Variants in LGI2 observed in about 807,000 individuals in gnomAD.
LGI2 encodes the protein leucine-rich repeat LGI family member 2.
In LGI2, 30 loss-of-function variants were observed where a neutral mutation model predicts 52.0. The ratio of observed to expected loss-of-function variants is 0.58; its 90% confidence interval spans 0.43 to 0.78. LGI2 has a LOEUF of 0.78. Ranked by LOEUF, LGI2 falls within the 30% of genes least tolerant of loss-of-function variation. The pLI, the probability that LGI2 is intolerant of heterozygous loss-of-function variation, is 0.00. For synonymous variants in LGI2, 270 were observed against 271.8 expected (o/e 0.99, Z 0.06); for missense variants, 573 against 692.5 (o/e 0.83, Z 1.94).
intron 7 of LGI2, among the ~76,000 whole-genome samples, chr4:25,009,570 G>T (rs773929694): frequency 6.6e-6 from 1 of 151,952 alleles, no homozygotes. Context: ...ATTACAATAC[G>T]AATATTCTTT....
intron 7 of LGI2, 86 bp downstream of exon 7, chr4:25,012,249 C>T: frequency 2.0e-6 from 3 of 1,466,738 alleles, no homozygotes; most frequent in East Asian, 2.3e-5. Context: ...CCGAGCTCTC[C>T]CTCAATACAG....
intron 3 of LGI2, 75 bp downstream of exon 3, chr4:25,026,793 T>C: frequency 8.6e-7 from 1 of 1,163,568 alleles, no homozygotes. Context: ...GAGATGCTGT[T>C]CCAGCACAGA....
At chr4:25,016,701 T>G (rs966184060) in intron 6 of LGI2, among the ~76,000 whole-genome samples, 4 of 152,240 alleles carry the variant, frequency 2.6e-5, no homozygotes, top group Non-Finnish European at 4.4e-5. Flanking sequence ...TGATCTTTAC[T>G]TTCTGGGTTT....
intron 7 of LGI2, among the ~76,000 whole-genome samples, chr4:25,011,203 C>T (rs1725572986): frequency 6.6e-6 from 1 of 152,328 alleles, no homozygotes; most frequent in Non-Finnish European, 1.5e-5. Flanking sequence ...CCTCCCCTAT[C>T]TTCCATGTCA....
intron 5 of LGI2, 93 bp from the exon 6 acceptor site, chr4:25,018,251 A>G (rs1560292202): frequency 1.2e-6 from 1 of 850,160 alleles, no homozygotes; most frequent in African/African-American, 1.7e-5. Flanking sequence ...AATTATTAAC[A>G]TCCTGATATA....
chr4:24,995,162 GTCTC>G (rs1725033309), downstream of LGI2, among the ~76,000 whole-genome samples: 2 of 152,096 alleles, frequency 1.3e-5, no homozygotes, highest in Admixed American at 1.3e-4. Flanking sequence ...TGGAAATGAC[GTCTC>G]TCTCTTAAAC....
At position 25,003,919 on chromosome 4, in the gene LGI2, G is replaced by A; in HGVS notation, c.1170C>T (p.Ser390=). Residue 390 remains serine, a synonymous_variant, in exon 8 of 8, where the codon TCC becomes TCT. Transcript: ENST00000382114. ...DIDGKSHLIL[S]SRSQVPIILQ... ...GGATGATGGGGACCTGGGAGCGGCT[G>A]GACAGGATGAGATGCGATTTTCCAT... 1 of 1,614,158 alleles carries A rather than the reference G, an allele frequency of 6.2e-7. No homozygotes were observed. The highest frequency in any genetic ancestry group is 1.1e-5 in the South Asian group (1 of 91,078).
In LGI2 at chr4:24,998,933, G is replaced by C. The variant is rs7659172; in HGVS notation, c.*4518C>G. The C allele has an allele frequency of 1.3e-5, 2 of 152,102 alleles. No homozygotes were observed. The highest frequency in any genetic ancestry group is 4.8e-5 in the African/African-American group (2 of 41,432). The allele number at this position is 152,102 out of a possible 1,614,324, so 9.4% of individuals were successfully genotyped here. A position where few individuals can be genotyped will look rare whatever the true frequency, so the allele number is the denominator to read the frequency against. ...GTTTGTATACCCTATTTACCAAAAAGAGCTAAATATGTATACAGCCTAAAA... is the reference window on the plus strand; with the variant it reads ...GTTTGTATACCCTATTTACCAAAAACAGCTAAATATGTATACAGCCTAAAA... On this transcript the variant is annotated 3_prime_UTR_variant, in exon 8 of 8. Transcript: ENST00000382114.
chr4:24,997,415 G>T (rs1025341626), downstream of LGI2, among the ~76,000 whole-genome samples: 1 of 152,144 alleles, frequency 6.6e-6, no homozygotes, highest in Non-Finnish European at 1.5e-5. Flanking sequence ...TTTCTGACTT[G>T]CAGGTTTGAA....
At position 25,004,375 on chromosome 4, in the gene LGI2, C is replaced by T. The variant is rs1276372508; in HGVS notation, c.821-107G>A. 1 of 950,478 alleles carries T rather than the reference C, an allele frequency of 1.1e-6. No individual in the cohort carries two copies. Among genetic ancestry groups the T allele is most frequent in the African/African-American group, 1.6e-5 (1 of 60,822 alleles). The allele number at this position is 950,478 out of a possible 1,614,324, so 58.9% of individuals were successfully genotyped here. The stretch of plus-strand genomic sequence containing the variant: ...GTGGGAGTGTGAAATGGCACAGCCA[C>T]TATGGAAAACAGTATGGTGGTTCCT... On this transcript the variant is annotated intron_variant, in intron 7 of 7. Coordinates refer to ENST00000382114, the MANE Select transcript of LGI2 (RefSeq NM_018176.4). This position sits in a 1 kb window ranked among gnomAD's most constrained non-coding sequence, Gnocchi z 4.6.
intron 1 of LGI2, among the ~76,000 whole-genome samples, chr4:25,030,288 A>C (rs1370373794): frequency 6.6e-6 from 1 of 152,140 alleles, no homozygotes; most frequent in Non-Finnish European, 1.5e-5. Context: ...CTGCCACAGG[A>C]ACCTGTCTGG....
chr4:25,014,111 G>A (rs866024833), intron 6 of LGI2, among the ~76,000 whole-genome samples: 12 of 152,182 alleles, frequency 7.9e-5, no homozygotes, highest in Middle Eastern at 3.4e-3. Flanking sequence ...GGTTGCATTC[G>A]ACTACTCCGA....
intron 4 of LGI2, among the ~76,000 whole-genome samples, chr4:25,022,046 G>T (rs1322750870): frequency 6.6e-6 from 1 of 152,030 alleles, no homozygotes; most frequent in Non-Finnish European, 1.5e-5. Flanking sequence ...AGTATGTCCT[G>T]CTGGCTTAGC....
At chr4:25,026,831 C>T in intron 3 of LGI2, 37 bp downstream of exon 3, 1 of 1,492,306 alleles carries the variant, frequency 6.7e-7, no homozygotes, top group Non-Finnish European at 9.4e-7. Flanking sequence ...TACCAAGATA[C>T]CGAATGTTCA....
chr4:25,024,221 A>C (rs1726068201), intron 4 of LGI2, among the ~76,000 whole-genome samples: 2 of 152,090 alleles, frequency 1.3e-5, no homozygotes, highest in Non-Finnish European at 2.9e-5. Flanking sequence ...ACCCACAATG[A>C]TTTCCTTCCT....
the LGI2 span, among the ~76,000 whole-genome samples, chr4:24,992,113 A>G: frequency 6.6e-6 from 1 of 152,190 alleles, no homozygotes; most frequent in African/African-American, 2.4e-5. Flanking sequence ...GCAGATTCCA[A>G]GGTGGTACCA....
At chr4:24,992,473 G>C in the LGI2 span, among the ~76,000 whole-genome samples, 1 of 152,046 alleles carries the variant, frequency 6.6e-6, no homozygotes, top group South Asian at 2.1e-4. Context: ...CAGCACTTTG[G>C]GGGGCTGAGG....
In LGI2 at chr4:25,030,650, A is replaced by G. The variant is rs775192630; in HGVS notation, c.44T>C (p.Leu15Pro). The G allele has an allele frequency of 6.5e-7, 1 of 1,538,016 alleles. No homozygotes were observed. The change falls in exon 1 of 8, where the codon CTG becomes CCG. Residue 15 changes from leucine to proline, a missense_variant. By Grantham distance (98) the Leu-to-Pro change is moderately conservative. Coordinates refer to ENST00000382114, the MANE Select transcript of LGI2 (RefSeq NM_018176.4). ...CAGGCACGCGGCGCCCAGCAGCAGC[A>G]GCAGCAGCCCGAGCGCTCCGCAGCC... ...RGGCGALGLL[L>P]LLLGAACLIP... is the part of the protein sequence containing the mutation.
At chr4:24,992,864 C>G in the LGI2 span, among the ~76,000 whole-genome samples, 1 of 152,170 alleles carries the variant, frequency 6.6e-6, no homozygotes, top group Non-Finnish European at 1.5e-5. Context: ...AACATGGGCT[C>G]TAGAGTCAAA....
Sources: gnomAD v4.1 joint callset for allele counts (sites outside exome capture counted in the v4.1 genomes callset) on GRCh38, gnomAD v4.1.1 for gene constraint, Gnocchi (gnomAD v3.1) non-coding constraint, MANE v1.5 for transcripts, NCBI Gene and HGNC (gene_info 2026-07-23, HGNC 2026-07-21) for gene names.